The following LIMK2 variants were observed in gnomAD, a reference collection of about 807,000 sequenced individuals.
LIMK2 encodes LIM domain kinase 2.
A neutral mutation model predicts 75.7 loss-of-function variants in LIMK2; 35 were observed. The ratio of observed to expected loss-of-function variants is 0.46; its 90% CI spans 0.35 to 0.61. The LOEUF (loss-of-function observed/expected upper bound fraction) is 0.61, where lower values mean the gene tolerates loss of function less well. LIMK2 is among the 20% of genes least tolerant of loss of function. The probability of loss-of-function intolerance (pLI) is 0.00; values close to 1 mark genes in which losing one functional copy is unlikely to be tolerated. For synonymous variants in LIMK2, 301 were observed against 319.2 expected (o/e 0.94, Z 0.61); for missense variants, 623 against 831.0 (o/e 0.75, Z 3.08).
chr22:31,262,679 C>T lies in LIMK2; in HGVS notation c.742C>T (p.Arg248Trp), dbSNP rs777504070. 35 of 1,614,062 alleles carry T rather than the reference C, an allele frequency of 2.2e-5. 1 individual carries two copies. The highest frequency in any genetic ancestry group is 1.6e-4 in the Middle Eastern group (1 of 6,084). ...CGTCTCCCAACGCCTGGACCAGCTG[C>T]GGCTGGAGGCCCGGCTCGCTCCTCA... ...DPVSQRLDQL[R>W]LEARLAPHMQ... Residue 248 changes from arginine (R) to tryptophan (W), a missense_variant, in exon 7 of 16, where the codon CGG (arginine) becomes TGG (tryptophan). This residue lies in a region of LIMK2 where 514 missense variants were observed against 661.3 expected (regional missense o/e 0.78). Transcript: ENST00000331728. This position sits in a 1 kb window ranked among gnomAD's most constrained non-coding sequence, Gnocchi z 5.0.
intron 2 of LIMK2, among the ~76,000 whole-genome samples, chr22:31,254,014 A>C (rs750964381): frequency 2.0e-5 from 3 of 152,206 alleles, no homozygotes; most frequent in Non-Finnish European, 4.4e-5. Context: ...CCAGTTCTTC[A>C]GAGACATGTG....
At position 31,212,421 on chromosome 22, in the gene LIMK2, G is replaced by T; in HGVS notation, c.13G>T (p.Ala5Ser). The T allele has an allele frequency of 7.5e-7, 1 of 1,336,558 alleles. No homozygotes were observed. The highest frequency in any genetic ancestry group is 2.8e-5 in the East Asian group (1 of 36,040). The allele number at this position is 1,336,558 out of a possible 1,614,324, so 82.8% of individuals were successfully genotyped here. The change falls in exon 1 of 16, where the codon GCG (alanine) becomes TCG (serine). Residue 5 changes from alanine to serine, a missense_variant. By Grantham distance (99) the Ala-to-Ser change is moderately conservative. Coordinates refer to ENST00000331728, the MANE Select transcript of LIMK2 (RefSeq NM_005569.4). Reference protein sequence around the residue: MSALAGEDVWRCPGC... With the variant: MSALSGEDVWRCPGC... ...CGCTCCCGGGACCATGTCCGCGCTGGCGGGTAAGGAAGGGCTGCTCCGCCC... is the reference window on the plus strand; with the variant it reads ...CGCTCCCGGGACCATGTCCGCGCTGTCGGGTAAGGAAGGGCTGCTCCGCCC...
intron 2 of LIMK2, among the ~76,000 whole-genome samples, chr22:31,236,623 A>G (rs2048577482): frequency 6.6e-6 from 1 of 150,862 alleles, no homozygotes. Context: ...AAAAAAAAAA[A>G]AAGAAACGAG....
chr22:31,268,164 G>C lies in LIMK2; in HGVS notation c.1281G>C (p.Gln427His). 1 of 1,614,114 alleles carries C rather than the reference G, an allele frequency of 6.2e-7. No individual in the cohort carries two copies. The highest frequency in any genetic ancestry group is 8.5e-7 in the Non-Finnish European group (1 of 1,180,024). Residue 427 changes from glutamine to histidine, a missense_variant, in exon 11 of 16, where the codon CAG becomes CAC. Transcript: ENST00000331728. ...LRSMDPFPWQ[Q>H]KVRFAKGIAS... ...TGCAGGATCCGTTCCCCTGGCAGCA[G>C]AAGGTCAGGTTTGCCAAAGGAATCG...
At chr22:31,234,738 A>G (rs933671374) in intron 2 of LIMK2, among the ~76,000 whole-genome samples, 1 of 151,470 alleles carries the variant, frequency 6.6e-6, no homozygotes, top group African/African-American at 2.4e-5. Flanking sequence ...AAAAAAAAAA[A>G]AAAATTCCTT....
At chr22:31,267,694 C>G in intron 9 of LIMK2, 82 bp from the exon 10 acceptor site, 7 of 1,475,138 alleles carry the variant, frequency 4.7e-6, no homozygotes, top group Non-Finnish European at 5.5e-6. Flanking sequence ...TAACACTTGT[C>G]AAGCTGATTC....
chr22:31,277,544 TGAG>T lies in LIMK2; in HGVS notation c.1773-749_1773-747del, dbSNP rs1284317097. On this transcript the variant is annotated intron_variant, in intron 15 of 15. Transcript: ENST00000331728. ...CTTCAGTAACACCAGTGTAAAAGCT[TGAG>T]GAGAAATTGTGAAGCTACACAGTAT... 1.5e-5 allele frequency: 15 copies of T among 1,001,834 alleles called. No homozygotes were observed. The South Asian group carries it at 4.3e-4, about 29-fold the overall frequency. The allele number at this position is 1,001,834 out of a possible 1,614,324, so 62.1% of individuals were successfully genotyped here.
chr22:31,222,372 CTTTTTTTTTTTTTT>C (rs3068235), intron 1 of LIMK2, among the ~76,000 whole-genome samples: 2 of 55,198 alleles, frequency 3.6e-5, no homozygotes, highest in African/African-American at 9.7e-5. Context: ...TGCCCAGCCT[CTTTTTTTTTTTTTT>C]TTTTTTTTTT....
At chr22:31,257,040 A>ATTTTTTTTTTTTTTTTTTTTTTTT (rs529919320) in intron 2 of LIMK2, among the ~76,000 whole-genome samples, 4 of 75,078 alleles carry the variant, frequency 5.3e-5, no homozygotes, top group African/African-American at 7.4e-5. Context: ...GGAGCTATAG[A>ATTTTTTTTTTTTTTTTTTTTTTTT]TTTTTTTTTT....
chr22:31,227,546 C>T (rs566591357), intron 2 of LIMK2, among the ~76,000 whole-genome samples: 1 of 152,204 alleles, frequency 6.6e-6, no homozygotes, highest in Non-Finnish European at 1.5e-5. Context: ...GCCCCTTTTA[C>T]TCCCAGGGAA....
chr22:31,272,681 G>C lies in LIMK2; in HGVS notation c.1535G>C (p.Trp512Ser). 6.2e-7 allele frequency: 1 copy of C among 1,610,874 alleles called. No individual in the cohort carries two copies. The highest frequency in any genetic ancestry group is 8.5e-7 in the Non-Finnish European group (1 of 1,178,626). ...KRYTVVGNPY[W>S]MAPEMLNGKS... ...TACACGGTGGTGGGAAACCCCTACT[G>C]GATGGCCCCTGAGATGCTGAACGGT... Residue 512 changes from tryptophan (W) to serine (S), a missense_variant, in exon 13 of 16, where the codon TGG (tryptophan) becomes TCG (serine). By Grantham distance (177) the Trp-to-Ser change is radical. Transcript: ENST00000331728.
Position 31,277,182 on chromosome 22 carries a change from C to G in LIMK2, c.1773-1115C>G. 3 of 1,611,940 alleles carry G rather than the reference C, an allele frequency of 1.9e-6. No individual in the cohort carries two copies. In the East Asian group the frequency reaches 6.7e-5, roughly 36 times the overall value. The stretch of plus-strand genomic sequence containing the variant: ...CGAACGGTGGCTCCCATAGGACAAT[C>G]GCTACCCCCCGACCTCGTAGCAACA... On this transcript the variant is annotated intron_variant, in intron 15 of 15. Transcript: ENST00000331728.
intron 12 of LIMK2, among the ~76,000 whole-genome samples, 169 bp downstream of exon 12, chr22:31,271,370 T>G (rs2058588301): frequency 6.6e-6 from 1 of 152,036 alleles, no homozygotes; most frequent in Non-Finnish European, 1.5e-5. Flanking sequence ...CTCTGGGAGC[T>G]CCGAGACACA....
rs1046362662 is a variant in LIMK2 at position 31,258,195 on chromosome 22, C to T, written c.117-96C>T. On this transcript the variant is annotated intron_variant, in intron 2 of 15. Coordinates refer to ENST00000331728, the MANE Select transcript of LIMK2 (RefSeq NM_005569.4). ...CATCTTGGCTTTGGATCAAAGAGGACTGTCCATTTTGTTGTCATACCTAGG... is the reference window on the plus strand; with the variant it reads ...CATCTTGGCTTTGGATCAAAGAGGATTGTCCATTTTGTTGTCATACCTAGG... 5.4e-6 allele frequency: 7 copies of T among 1,288,608 alleles called. No homozygotes were observed. In the African/African-American group the frequency reaches 1.0e-4, roughly 19 times the overall value. The allele number at this position is 1,288,608 out of a possible 1,614,324, so 79.8% of individuals were successfully genotyped here.
intron 2 of LIMK2, among the ~76,000 whole-genome samples, chr22:31,241,799 G>A (rs1159362383): frequency 6.6e-6 from 1 of 152,084 alleles, no homozygotes; most frequent in Admixed American, 6.5e-5. Flanking sequence ...TGTTTATAAT[G>A]CATCTTCAGT....
At position 31,275,140 on chromosome 22, in the gene LIMK2, T is replaced by G; in HGVS notation, c.1615-11T>G. The G allele has an allele frequency of 6.2e-7, 1 of 1,614,002 alleles. No homozygotes were observed. Among genetic ancestry groups the G allele is most frequent in the South Asian group, 1.1e-5 (1 of 91,076 alleles). Reference sequence around the variant, plus strand: ...TAGTCCTTTGTAAACAGCTGTCTTCTTACCCTACAGATCATTGGGCAGGTG... The same window carrying G: ...TAGTCCTTTGTAAACAGCTGTCTTCGTACCCTACAGATCATTGGGCAGGTG... On this transcript the variant is annotated splice_polypyrimidine_tract_variant and intron_variant, in intron 14 of 15. Transcript: ENST00000331728.
At chr22:31,213,965 G>A (rs565014193) in intron 1 of LIMK2, among the ~76,000 whole-genome samples, 2 of 152,032 alleles carry the variant, frequency 1.3e-5, no homozygotes, top group Admixed American at 6.6e-5. Context: ...ACAGGGGCCC[G>A]CCACCACGCC....
chr22:31,270,414 G>T (rs187374231), intron 11 of LIMK2, among the ~76,000 whole-genome samples: 1 of 152,284 alleles, frequency 6.6e-6, no homozygotes, highest in East Asian at 1.9e-4. Flanking sequence ...TAGCGATTCA[G>T]GAAGAGCTCC....
At chr22:31,263,715 G>T (rs2048864197) in intron 7 of LIMK2, among the ~76,000 whole-genome samples, 1 of 152,082 alleles carries the variant, frequency 6.6e-6, no homozygotes, top group African/African-American at 2.4e-5. Context: ...TTAATTAGAT[G>T]GGCAGGGCAC....
Sources: allele counts gnomAD v4.1 joint callset (sites outside exome capture counted in the v4.1 genomes callset), GRCh38; gene constraint gnomAD v4.1.1; regional missense constraint gnomAD v4.1.1; non-coding constraint Gnocchi (gnomAD v3.1); transcripts MANE v1.5; gene names NCBI Gene and HGNC (gene_info 2026-07-23, HGNC 2026-07-21).